Variants in CCNK observed in about 807,000 individuals in gnomAD.
CCNK encodes cyclin-K.
A neutral mutation model predicts 65.0 loss-of-function variants in CCNK; 9 were observed. The ratio of observed to expected loss-of-function variants is 0.14; its 90% CI spans 0.08 to 0.24. The LOEUF is 0.24. CCNK is among the 10% of genes least tolerant of loss of function. The pLI is 1.00. For missense variants in CCNK, 474 were observed against 720.0 expected (o/e 0.66, Z 3.91); for synonymous variants, 279 against 270.8 (o/e 1.03, Z -0.30).
intron 4 of CCNK, among the ~76,000 whole-genome samples, chr14:99,496,999 T>C (rs1896716287): frequency 6.8e-6 from 1 of 146,296 alleles, no homozygotes; most frequent in Non-Finnish European, 1.5e-5. Flanking sequence ...ATTTCCCATA[T>C]ACCCCCCACC....
At chr14:99,508,323 G>A (rs1222681329) in intron 10 of CCNK, 1 of 152,304 alleles carries the variant, frequency 6.6e-6, no homozygotes, top group Admixed American at 6.5e-5. Context: ...TCCGAGCCTG[G>A]GGCTGTGCCT....
chr14:99,497,257 C>T (rs1225637918), intron 4 of CCNK, among the ~76,000 whole-genome samples: 2 of 152,106 alleles, frequency 1.3e-5, no homozygotes, highest in Non-Finnish European at 2.9e-5. Context: ...TCTCCTTCTC[C>T]CCGCTAACCT....
intron 9 of CCNK, chr14:99,504,048 G>A: frequency 2.7e-6 from 1 of 374,916 alleles, no homozygotes; most frequent in Non-Finnish European, 5.3e-6. Context: ...GACAGCACCA[G>A]CCCGGCCCAG....
chr14:99,508,377 C>T (rs1375530452), intron 10 of CCNK: 2 of 152,422 alleles, frequency 1.3e-5, no homozygotes, highest in African/African-American at 4.8e-5. Flanking sequence ...CTGGGGCAGC[C>T]ACAGGGGTGC....
intron 9 of CCNK, chr14:99,505,772 A>G (rs1341856449): frequency 6.6e-6 from 1 of 152,232 alleles, no homozygotes; most frequent in East Asian, 1.9e-4. Context: ...CAGCAAGATC[A>G]CTTGAGCCTG....
chr14:99,500,359 C>G (rs1896794236), intron 4 of CCNK: 2 of 201,582 alleles, frequency 9.9e-6, no homozygotes, highest in Admixed American at 1.1e-4. Context: ...ATCATAAACT[C>G]TTTCTTGCTT....
At chr14:99,501,491 C>T in intron 6 of CCNK, 78 bp downstream of exon 6, 1 of 996,302 alleles carries the variant, frequency 1.0e-6, no homozygotes, top group Non-Finnish European at 1.6e-6. Context: ...ATCTAAACCC[C>T]TCATTTTGTG....
rs935043382 is a variant in CCNK, at chr14:99,495,579, C to T, written c.361C>T (p.Arg121Cys). 7 of 1,612,410 alleles carry T rather than the reference C, an allele frequency of 4.3e-6. No homozygotes were observed. The Admixed American group carries it at 5.0e-5, about 12-fold the overall frequency. ...ATGTAAAGATATCATCAAAACAGCT[C>T]GTAGTTTATTAAATGATGTACAATT... ...KKCKDIIKTA[R>C]SLLNDVQFGQ... is the part of the protein sequence containing the mutation. Residue 121 changes from arginine to cysteine, a missense_variant, in exon 4 of 11, where the codon CGT becomes TGT. This residue lies in a region of CCNK where 87 missense variants were observed against 166.2 expected (regional missense o/e 0.52). Coordinates refer to ENST00000389879, the MANE Select transcript of CCNK (RefSeq NM_001099402.2).
At position 99,496,443 on chromosome 14, in the gene CCNK, G is replaced by T. The variant is rs1410409944; in HGVS notation, c.411+814G>T. Among the ~76,000 whole-genome samples, 6 of 152,210 alleles carry T rather than the reference G, an allele frequency of 3.9e-5. No individual in the cohort carries two copies. In the South Asian group the frequency reaches 1.0e-3, roughly 26 times the overall value. On this transcript the variant is annotated intron_variant, in intron 4 of 10. Coordinates refer to ENST00000389879, the MANE Select transcript of CCNK (RefSeq NM_001099402.2). ...AAGAATAAACTGGCCAGGCGTGGTG[G>T]CTCACGCCTGTAATCCCAGCACTTT... is the stretch of plus-strand genomic sequence containing the variant.
chr14:99,483,881 A>G (rs1345982819), intron 1 of CCNK, among the ~76,000 whole-genome samples: 3 of 152,236 alleles, frequency 2.0e-5, no homozygotes, highest in African/African-American at 7.2e-5. Context: ...TAAATAGATA[A>G]GCAGCGTGAT....
Position 99,492,696 on chromosome 14 carries a change from A to G in CCNK, c.19A>G (p.Asn7Asp). 3.1e-6 allele frequency: 5 copies of G among 1,606,626 alleles called. No homozygotes were observed. The South Asian group carries it at 4.5e-5, about 14-fold the overall frequency. Residue 7 changes from asparagine (N) to aspartate (D), a missense_variant, in exon 2 of 11, where the codon AAT becomes GAT. This residue lies in a region of CCNK where 87 missense variants were observed against 166.2 expected (regional missense o/e 0.52). Coordinates refer to ENST00000389879, the MANE Select transcript of CCNK (RefSeq NM_001099402.2). ...TCAATAAATGAAGGAGAATAAAGAA[A>G]ATTCAAGCCCTTCAGTAACTTCAGC... is the stretch of plus-strand genomic sequence containing the variant. The part of the protein sequence containing the change: MKENKE[N>D]SSPSVTSANL...
intron 7 of CCNK, 41 bp from the exon 8 acceptor site, chr14:99,502,678 A>T: frequency 6.3e-7 from 1 of 1,585,834 alleles, no homozygotes; most frequent in Non-Finnish European, 8.7e-7. Context: ...TTTATTTAAA[A>T]TACCAATTTG....
rs770122012 is a variant in CCNK at position 99,502,210 on chromosome 14, C to T, written c.579C>T (p.Leu193=). ...TTTTTTTTTCTTGTTGAACTAGTCTCTGCACCACCTTGTCACTGCAGTGGG... is the reference window on the plus strand; with the variant it reads ...TTTTTTTTTCTTGTTGAACTAGTCTTTGCACCACCTTGTCACTGCAGTGGG... The part of the protein sequence containing the change: ...QMAWTFVNDS[L]CTTLSLQWEP... The change falls in exon 7 of 11, where the codon CTC becomes CTT. Residue 193 remains leucine, a synonymous_variant. Coordinates refer to ENST00000389879, the MANE Select transcript of CCNK (RefSeq NM_001099402.2). The T allele has an allele frequency of 6.3e-7, 1 of 1,586,472 alleles. No individual in the cohort carries two copies. The highest frequency in any genetic ancestry group is 8.6e-7 in the Non-Finnish European group (1 of 1,165,476).
intron 9 of CCNK, chr14:99,505,024 G>A (rs3918095): frequency 0.015 from 2,259 of 152,408 alleles, 19 homozygotes; most frequent in Non-Finnish European, 0.024. Flanking sequence ...GTGATGAATT[G>A]AAAGGCAATA....
intron 1 of CCNK, among the ~76,000 whole-genome samples, chr14:99,488,455 T>A (rs61984133): frequency 0.25 from 37,423 of 152,110 alleles, 5,454 homozygotes; most frequent in Non-Finnish European, 0.34. Flanking sequence ...ACTGATAGTT[T>A]CCATGTTGTG....
Position 99,481,519 on chromosome 14 carries a change from C to T in CCNK, c.-53+40C>T, listed in dbSNP as rs3918034. On this transcript the variant is annotated intron_variant, in intron 1 of 10. Coordinates refer to ENST00000389879, the MANE Select transcript of CCNK (RefSeq NM_001099402.2). The stretch of plus-strand genomic sequence containing the variant: ...GACTGAGGGCAGCGCCGCCCACCTC[C>T]CGCGTATCTGGAGGTCGGAGTAGGT... The T allele has an allele frequency of 9.9e-3, 3,938 of 398,646 alleles. 119 individuals carry two copies. Among genetic ancestry groups the T allele is most frequent in the African/African-American group, 0.069 (3,372 of 48,762 alleles). The allele number at this position is 398,646 out of a possible 1,614,324, so 24.7% of individuals were successfully genotyped here.
intron 10 of CCNK, chr14:99,509,902 T>G: frequency 1.8e-6 from 1 of 556,772 alleles, no homozygotes; most frequent in Non-Finnish European, 3.2e-6. Context: ...CGAGACTGCC[T>G]GTAGGTGGTG....
intron 1 of CCNK, among the ~76,000 whole-genome samples, chr14:99,485,256 G>T (rs542441182): frequency 1.8e-4 from 27 of 152,252 alleles, no homozygotes; most frequent in African/African-American, 6.5e-4. Context: ...CGATTTATCC[G>T]CTTGTGGACC....
chr14:99,486,114 C>G (rs1896478331), intron 1 of CCNK, among the ~76,000 whole-genome samples: 1 of 152,168 alleles, frequency 6.6e-6, no homozygotes. Context: ...CAACTAATCA[C>G]CAATTAAAGT....
Sources: allele counts gnomAD v4.1 joint callset (sites outside exome capture counted in the v4.1 genomes callset), GRCh38; gene constraint gnomAD v4.1.1; regional missense constraint gnomAD v4.1.1; transcripts MANE v1.5; gene names NCBI Gene and HGNC (gene_info 2026-07-23, HGNC 2026-07-21).